The following PTPRT variants were observed in gnomAD, a reference collection of about 807,000 sequenced individuals.
The protein encoded by PTPRT is receptor-type tyrosine-protein phosphatase T.
Under a neutral mutation model 176.8 loss-of-function variants are expected in PTPRT, and 56 were observed. That is an observed-to-expected ratio of 0.32 (90% CI 0.26 to 0.40). The LOEUF (loss-of-function observed/expected upper bound fraction) is 0.40, where lower values mean the gene tolerates loss of function less well. Among genes scored for constraint, PTPRT ranks in the 10% least tolerant of loss-of-function variants. The pLI is 1.00. For missense variants in PTPRT, 1,540 were observed against 1,908.2 expected (o/e 0.81, Z 3.60); for synonymous variants, 783 against 739.0 (o/e 1.06, Z -0.96).
intron 7 of PTPRT, among the ~76,000 whole-genome samples, chr20:42,487,369 A>G (rs1290289002): frequency 6.6e-6 from 1 of 152,028 alleles, no homozygotes; most frequent in Non-Finnish European, 1.5e-5. Flanking sequence ...CTGCACACAC[A>G]CCCTGATATC....
chr20:42,257,714 C>T (rs902782149), intron 13 of PTPRT, among the ~76,000 whole-genome samples: 7 of 146,380 alleles, frequency 4.8e-5, no homozygotes, highest in African/African-American at 1.8e-4. Context: ...TGCCCCTTTG[C>T]CTTCTGTCAT....
chr20:42,101,466 A>AG (rs1422057108), intron 26 of PTPRT, among the ~76,000 whole-genome samples: 1 of 152,160 alleles, frequency 6.6e-6, no homozygotes, highest in African/African-American at 2.4e-5. Context: ...GGAGAAGCTT[A>AG]GGCTCGCTGG....
At chr20:42,507,942 TC>T (rs778156742) in intron 7 of PTPRT, among the ~76,000 whole-genome samples, 24 of 151,466 alleles carry the variant, frequency 1.6e-4, no homozygotes, top group Non-Finnish European at 3.4e-4. Context: ...TAGCCCAAGC[TC>T]TTCGAGGTCA....
chr20:42,403,438 C>A (rs773855797), intron 9 of PTPRT, among the ~76,000 whole-genome samples: 1 of 152,122 alleles, frequency 6.6e-6, no homozygotes, highest in African/African-American at 2.4e-5. Flanking sequence ...CAGATACCTT[C>A]CTCAAGTGCA....
chr20:42,054,653 C>T, the PTPRT span, among the ~76,000 whole-genome samples: 2 of 152,142 alleles, frequency 1.3e-5, no homozygotes, highest in Non-Finnish European at 2.9e-5. Flanking sequence ...TTGGCCTATT[C>T]CATCACCTCT....
intron 6 of PTPRT, among the ~76,000 whole-genome samples, chr20:42,745,051 G>A (rs1306714964): frequency 6.6e-6 from 1 of 152,204 alleles, no homozygotes; most frequent in Non-Finnish European, 1.5e-5. Context: ...CGGAAATGGG[G>A]AGTCAGTCTG....
At chr20:42,473,990 C>G (rs995571017) in intron 7 of PTPRT, among the ~76,000 whole-genome samples, 1 of 152,128 alleles carries the variant, frequency 6.6e-6, no homozygotes, top group Admixed American at 6.5e-5. Context: ...ATAATAGTAG[C>G]TAACCTCATG....
At chr20:42,152,627 C>A (rs988405598) in intron 17 of PTPRT, among the ~76,000 whole-genome samples, 3 of 152,206 alleles carry the variant, frequency 2.0e-5, no homozygotes, top group Admixed American at 2.0e-4. Context: ...CGCGAGGGTA[C>A]CTCTATTCCT....
chr20:42,385,184 CT>C (rs1378893262), intron 9 of PTPRT, among the ~76,000 whole-genome samples: 2 of 152,110 alleles, frequency 1.3e-5, no homozygotes, highest in Non-Finnish European at 2.9e-5. Flanking sequence ...AGCTTTCCCC[CT>C]ATTTCTTCTA....
rs1008389445 is a variant in PTPRT at position 43,083,423 on chromosome 20, C to T, written c.88+106223G>A. 8.9e-5 allele frequency among the ~76,000 whole-genome samples: 13 copies of T among 145,794 alleles called. No homozygotes were observed. The East Asian group carries it at 1.0e-3, about 11-fold the overall frequency. Reference sequence around the variant, plus strand: ...TGGCCCAGGCTGTAGTGCAGTGTCACGATCTTGGCTCACTGCAACCTCTGC... The same window carrying T: ...TGGCCCAGGCTGTAGTGCAGTGTCATGATCTTGGCTCACTGCAACCTCTGC... On this transcript the variant is annotated intron_variant, in intron 1 of 30. Transcript: ENST00000373187.
chr20:42,410,287 A>C (rs2059001554), intron 9 of PTPRT, among the ~76,000 whole-genome samples: 1 of 152,178 alleles, frequency 6.6e-6, no homozygotes, highest in Non-Finnish European at 1.5e-5. Flanking sequence ...TTTGTTGGAA[A>C]TCAAACATAT....
chr20:42,164,122 A>G (rs1320416085), intron 16 of PTPRT, among the ~76,000 whole-genome samples: 2 of 152,210 alleles, frequency 1.3e-5, no homozygotes, highest in Non-Finnish European at 2.9e-5. Context: ...CAATGCTAGG[A>G]GGCCTGTGAG....
intron 9 of PTPRT, among the ~76,000 whole-genome samples, chr20:42,383,415 T>C (rs1369649467): frequency 1.7e-5 from 1 of 57,186 alleles, no homozygotes; most frequent in Admixed American, 2.1e-4. Context: ...TAAGCAGGGA[T>C]AGACAAAAAA....
chr20:42,110,348 A>G lies in PTPRT; in HGVS notation c.3239T>C (p.Ile1080Thr), dbSNP rs771347183. The G allele has an allele frequency of 1.2e-6, 2 of 1,611,864 alleles. No homozygotes were observed. Among genetic ancestry groups the G allele is most frequent in the Middle Eastern group, 1.7e-4 (1 of 6,048 alleles). ...KFLNPPEAGP[I>T]VVHCSAGAGR... ...TTTGACTTACCTGCAGTGGACCACT[A>G]TGGGCCCAGCTTCCGGGGGGTTGAG... Residue 1080 changes from isoleucine to threonine, a missense_variant, in exon 23 of 31, where the codon ATA becomes ACA. Physicochemically the swap from Ile to Thr is moderately conservative, Grantham distance 89 (BLOSUM62 -1). Coordinates refer to ENST00000373187, the MANE Select transcript of PTPRT (RefSeq NM_007050.6).
chr20:42,459,163 G>C (rs1206089845), intron 8 of PTPRT, among the ~76,000 whole-genome samples: 3 of 152,212 alleles, frequency 2.0e-5, no homozygotes, highest in African/African-American at 7.2e-5. Flanking sequence ...CCTTACTGTA[G>C]CCAAAAAGGA....
intron 1 of PTPRT, among the ~76,000 whole-genome samples, chr20:43,095,149 G>A (rs138513725): frequency 1.7e-3 from 261 of 152,194 alleles, no homozygotes; most frequent in African/African-American, 4.4e-3. Context: ...TCTGCCTTGG[G>A]AGAGACAAAG....
intron 13 of PTPRT, among the ~76,000 whole-genome samples, chr20:42,254,786 C>A (rs1364649950): frequency 6.6e-6 from 1 of 152,134 alleles, no homozygotes; most frequent in African/African-American, 2.4e-5. Context: ...TTCATTTTAC[C>A]TGCTTACTCT....
At chr20:42,496,486 G>A (rs541636698) in intron 7 of PTPRT, among the ~76,000 whole-genome samples, 3 of 151,984 alleles carry the variant, frequency 2.0e-5, no homozygotes, top group Non-Finnish European at 4.4e-5. Context: ...TTCTGGCACC[G>A]CTCCTTCTAT....
chr20:42,112,366 G>T (rs1202209815), intron 22 of PTPRT, among the ~76,000 whole-genome samples: 1 of 152,178 alleles, frequency 6.6e-6, no homozygotes, highest in Non-Finnish European at 1.5e-5. Flanking sequence ...CCCTCCCCTG[G>T]GGTGTGGCTG....
Sources: allele counts gnomAD v4.1 joint callset (sites outside exome capture counted in the v4.1 genomes callset), GRCh38; gene constraint gnomAD v4.1.1; transcripts MANE v1.5; gene names NCBI Gene and HGNC (gene_info 2026-07-23, HGNC 2026-07-21).